The following GLRB variants were observed in gnomAD, a reference collection of about 807,000 sequenced individuals.
GLRB encodes the protein glycine receptor subunit beta.
GLRB carries 33 observed loss-of-function variants against 54.2 expected under a neutral mutation model. The observed-to-expected ratio is 0.61, with a 90% confidence interval of 0.46 to 0.81. The LOEUF (loss-of-function observed/expected upper bound fraction) is 0.81, where lower values mean the gene tolerates loss of function less well. Ranked by LOEUF, GLRB falls within the 40% of genes least tolerant of loss-of-function variation. The pLI, the probability that GLRB is intolerant of heterozygous loss-of-function variation, is 0.00. For synonymous variants in GLRB, 209 were observed against 208.2 expected, an observed-to-expected ratio of 1.00 and a Z score of -0.03; for missense variants, 572 against 584.6, an observed-to-expected ratio of 0.98 and a Z score of 0.22.
At chr4:157,092,074 G>A (rs528304729) in intron 2 of GLRB, among the ~76,000 whole-genome samples, 1 of 147,138 alleles carries the variant, frequency 6.8e-6, no homozygotes, top group African/African-American at 2.6e-5. Flanking sequence ...CTAGCTGACT[G>A]TTACTGACCA....
rs568143300 is a variant in GLRB at position 157,144,906 on chromosome 4, T to C, written c.904+947T>C. Among the ~76,000 whole-genome samples the C allele has an allele frequency of 2.2e-4, 33 of 152,300 alleles. 1 individual carries two copies. The highest frequency in any genetic ancestry group is 3.9e-4 in the Admixed American group (6 of 15,304). ...ATCTGAAGAAGAAATTTGTTTTTTT[T>C]ACATCTAATTGAAATCACACAGACC... On this transcript the variant is annotated intron_variant, in intron 8 of 9. Transcript: ENST00000264428.
intron 7 of GLRB, among the ~76,000 whole-genome samples, chr4:157,141,302 T>C (rs1019695870): frequency 2.0e-5 from 3 of 151,920 alleles, no homozygotes; most frequent in Admixed American, 6.6e-5. Context: ...TGAATTATCA[T>C]ATGAATATAA....
intron 2 of GLRB, among the ~76,000 whole-genome samples, chr4:157,101,817 G>C (rs543709409): frequency 4.5e-4 from 62 of 138,018 alleles, no homozygotes; most frequent in Non-Finnish European, 5.9e-4. Flanking sequence ...TTTTTTTGGT[G>C]GGGGGGAGGG....
At chr4:157,151,029 C>A (rs1238173839) in intron 8 of GLRB, among the ~76,000 whole-genome samples, 3 of 152,048 alleles carry the variant, frequency 2.0e-5, no homozygotes, top group African/African-American at 7.2e-5. Flanking sequence ...CACTACAGAA[C>A]TCTGAAGGCC....
intron 2 of GLRB, among the ~76,000 whole-genome samples, chr4:157,088,277 A>T (rs186138544): frequency 9.4e-4 from 142 of 150,946 alleles, no homozygotes; most frequent in African/African-American, 3.2e-3. Context: ...TCTCAGTGAT[A>T]CCATGGGCAT....
chr4:157,081,192 G>A (rs1734208666), intron 2 of GLRB, among the ~76,000 whole-genome samples: 1 of 152,020 alleles, frequency 6.6e-6, no homozygotes, highest in South Asian at 2.1e-4. Context: ...AAATATTTTA[G>A]GTAAGTCCTT....
chr4:157,123,251 A>T (rs754460185), intron 4 of GLRB, among the ~76,000 whole-genome samples: 1 of 151,736 alleles, frequency 6.6e-6, no homozygotes, highest in Non-Finnish European at 1.5e-5. Flanking sequence ...TATTAAATAT[A>T]AGATTTTGAT....
intron 4 of GLRB, among the ~76,000 whole-genome samples, chr4:157,134,191 C>G (rs185326767): frequency 6.6e-6 from 1 of 152,094 alleles, no homozygotes; most frequent in East Asian, 1.9e-4. Context: ...GATATAAAAT[C>G]TTTAGAAATT....
rs1177423258 is a variant in GLRB at position 157,171,544 on chromosome 4, C to T, written c.*816C>T. ...ACATTGTGCCTTAAAATGAGTCATA[C>T]ATCTTTTAAATTGGAATGCAGTAAT... On this transcript the variant is annotated 3_prime_UTR_variant, in exon 10 of 10. Transcript: ENST00000264428. 6.6e-6 allele frequency: 1 copy of T among 152,242 alleles called. No homozygotes were observed. Among genetic ancestry groups the T allele is most frequent in the East Asian group, 1.9e-4 (1 of 5,184 alleles). The allele number at this position is 152,242 out of a possible 1,614,324, so 9.4% of individuals were successfully genotyped here. A position where few individuals can be genotyped will look rare whatever the true frequency, so the allele number is the denominator to read the frequency against.
At chr4:157,131,298 C>T (rs796368915) in intron 4 of GLRB, among the ~76,000 whole-genome samples, 3 of 151,652 alleles carry the variant, frequency 2.0e-5, no homozygotes, top group African/African-American at 7.2e-5. Flanking sequence ...GTATTTTTTG[C>T]ATTCACTTTT....
chr4:157,104,937 A>C (rs1735166639), intron 2 of GLRB, among the ~76,000 whole-genome samples: 1 of 151,296 alleles, frequency 6.6e-6, no homozygotes, highest in Non-Finnish European at 1.5e-5. Flanking sequence ...TCTTCTTTTG[A>C]TTTTATTTAG....
At chr4:157,096,700 A>T (rs1257158393) in intron 2 of GLRB, among the ~76,000 whole-genome samples, 1 of 152,180 alleles carries the variant, frequency 6.6e-6, no homozygotes, top group South Asian at 2.1e-4. Flanking sequence ...TTCAATGAAG[A>T]TATCATTCAA....
At chr4:157,152,633 G>A (rs1737064219) in intron 8 of GLRB, 85 bp from the exon 9 acceptor site, 4 of 1,041,200 alleles carry the variant, frequency 3.8e-6, no homozygotes, top group Non-Finnish European at 6.1e-6. Flanking sequence ...GAAGTTACTG[G>A]AGACGGATTT....
At chr4:157,087,874 T>A (rs1340578914) in intron 2 of GLRB, among the ~76,000 whole-genome samples, 1 of 152,102 alleles carries the variant, frequency 6.6e-6, no homozygotes, top group Non-Finnish European at 1.5e-5. Context: ...TTCCTTATGC[T>A]TCTACCTGAA....
intron 9 of GLRB, among the ~76,000 whole-genome samples, chr4:157,158,180 G>GT (rs566588785): frequency 0.02 from 3,040 of 150,398 alleles, 63 homozygotes; most frequent in African/African-American, 0.046. Context: ...TTTTTGATGG[G>GT]TTTTTTTTTC....
chr4:157,082,119 A>T (rs1007205360), intron 2 of GLRB, among the ~76,000 whole-genome samples: 1 of 151,884 alleles, frequency 6.6e-6, no homozygotes, highest in African/African-American at 2.4e-5. Flanking sequence ...CTTACTGTTG[A>T]TTTCTATGTC....
intron 1 of GLRB, among the ~76,000 whole-genome samples, chr4:157,076,802 G>A (rs1431485503): frequency 6.6e-6 from 1 of 151,892 alleles, no homozygotes; most frequent in African/African-American, 2.4e-5. Flanking sequence ...TGCCGCTGTC[G>A]GATGGGGGAA....
intron 2 of GLRB, among the ~76,000 whole-genome samples, chr4:157,081,295 T>C (rs779385184): frequency 1.3e-5 from 2 of 152,228 alleles, no homozygotes; most frequent in Non-Finnish European, 1.5e-5. Flanking sequence ...TGAGTGATTT[T>C]GTAGAAATCC....
chr4:157,118,052 C>A (rs1735668848), intron 2 of GLRB, among the ~76,000 whole-genome samples: 1 of 151,582 alleles, frequency 6.6e-6, no homozygotes. Context: ...GAGACTGATT[C>A]TGTGGAAGAA....
Sources: gnomAD v4.1 joint callset for allele counts (sites outside exome capture counted in the v4.1 genomes callset) on GRCh38, gnomAD v4.1.1 for gene constraint, MANE v1.5 for transcripts, NCBI Gene and HGNC (gene_info 2026-07-23, HGNC 2026-07-21) for gene names.